ST18: variants seen among roughly 807,000 people sequenced by gnomAD.
ST18 encodes the protein ST18 C2H2C-type zinc finger transcription factor, also known as suppression of tumorigenicity 18 protein.
In ST18, 50 loss-of-function variants were observed where a neutral mutation model predicts 110.0. The ratio of observed to expected loss-of-function variants is 0.45; its 90% CI spans 0.36 to 0.58. The LOEUF (loss-of-function observed/expected upper bound fraction) is 0.58, where lower values mean the gene tolerates loss of function less well. Among genes scored for constraint, ST18 ranks in the 20% least tolerant of loss-of-function variants. The pLI is 0.00. For synonymous variants in ST18, 461 were observed against 452.4 expected (o/e 1.02, Z -0.24); for missense variants, 1,306 against 1,280.1 (o/e 1.02, Z -0.31).
chr8:52,331,570 T>A (rs1809422123), intron 2 of ST18, among the ~76,000 whole-genome samples: 1 of 152,182 alleles, frequency 6.6e-6, no homozygotes, highest in South Asian at 2.1e-4. Flanking sequence ...GACATTAACA[T>A]CTGCATATGT....
chr8:52,315,837 G>T (rs1034099034), intron 2 of ST18, among the ~76,000 whole-genome samples: 3 of 151,994 alleles, frequency 2.0e-5, no homozygotes, highest in African/African-American at 7.2e-5. Context: ...CCTATTATTT[G>T]CTCTTTCTTC....
chr8:52,167,351 A>T (rs1161641354), intron 10 of ST18, among the ~76,000 whole-genome samples: 1 of 152,236 alleles, frequency 6.6e-6, no homozygotes, highest in East Asian at 1.9e-4. Flanking sequence ...TTTAAACCAA[A>T]ACCATTTCTT....
chr8:52,233,138 T>C (rs769066), intron 2 of ST18, among the ~76,000 whole-genome samples: 35,932 of 152,148 alleles, frequency 0.24, 4,925 homozygotes, highest in African/African-American at 0.37. Context: ...GTAACTAACC[T>C]TCTTGGTACA....
chr8:52,259,939 A>G (rs966740134), intron 2 of ST18, among the ~76,000 whole-genome samples: 1 of 152,206 alleles, frequency 6.6e-6, no homozygotes, highest in African/African-American at 2.4e-5. Flanking sequence ...TTTTTATAAG[A>G]AATTTATACC....
chr8:52,254,728 C>G (rs2094470784), intron 2 of ST18, among the ~76,000 whole-genome samples: 1 of 152,070 alleles, frequency 6.6e-6, no homozygotes, highest in African/African-American at 2.4e-5. Flanking sequence ...ATTTTGCAGG[C>G]TCGAGTGTTC....
At chr8:52,148,599 C>A (rs912477975) in intron 16 of ST18, among the ~76,000 whole-genome samples, 4 of 151,688 alleles carry the variant, frequency 2.6e-5, no homozygotes, top group African/African-American at 9.7e-5. Flanking sequence ...TGCTGTATCT[C>A]CAGGTCCCAT....
chr8:52,184,414 C>T (rs975480913), intron 8 of ST18, among the ~76,000 whole-genome samples: 2 of 152,072 alleles, frequency 1.3e-5, no homozygotes, highest in Non-Finnish European at 2.9e-5. Flanking sequence ...GTATTTTTTA[C>T]CTGAAACTTT....
chr8:52,136,508 C>A, intron 19 of ST18, 82 bp downstream of exon 19: 2 of 1,369,138 alleles, frequency 1.5e-6, no homozygotes, highest in Admixed American at 2.0e-5. Context: ...TGTTGCTGAT[C>A]ACTTGGGCAA....
intron 2 of ST18, among the ~76,000 whole-genome samples, chr8:52,269,627 G>C (rs1010170057): frequency 6.6e-6 from 1 of 152,180 alleles, no homozygotes; most frequent in African/African-American, 2.4e-5. Flanking sequence ...TCTCCTCTGA[G>C]TGACTCTTCC....
intron 22 of ST18, among the ~76,000 whole-genome samples, chr8:52,130,137 A>G (rs1453575505): frequency 6.6e-6 from 1 of 151,014 alleles, no homozygotes; most frequent in African/African-American, 2.4e-5. Context: ...GAAAGAAAGA[A>G]AGAAAGAAAG....
At chr8:52,287,851 A>T (rs1407497983) in intron 2 of ST18, among the ~76,000 whole-genome samples, 1 of 152,178 alleles carries the variant, frequency 6.6e-6, no homozygotes, top group Admixed American at 6.5e-5. Context: ...GTCTTAATTT[A>T]CACTAATTTT....
chr8:52,146,653 C>T (rs995791145), intron 16 of ST18, among the ~76,000 whole-genome samples: 8 of 152,192 alleles, frequency 5.3e-5, no homozygotes, highest in Admixed American at 1.3e-4. Flanking sequence ...TTTTATTGCA[C>T]GTGGTATCCC....
At chr8:52,241,195 G>A (rs1034604041) in intron 2 of ST18, among the ~76,000 whole-genome samples, 1 of 152,162 alleles carries the variant, frequency 6.6e-6, no homozygotes, top group Non-Finnish European at 1.5e-5. Context: ...TAAGCTCCTT[G>A]TGTACTTATG....
At chr8:52,269,818 C>T (rs1284568955) in intron 2 of ST18, among the ~76,000 whole-genome samples, 3 of 152,176 alleles carry the variant, frequency 2.0e-5, no homozygotes, top group Non-Finnish European at 2.9e-5. Flanking sequence ...GTTTACTAGG[C>T]TGTATGTTGG....
intron 2 of ST18, among the ~76,000 whole-genome samples, chr8:52,291,413 T>C (rs1171070824): frequency 6.6e-6 from 1 of 152,228 alleles, no homozygotes; most frequent in African/African-American, 2.4e-5. Context: ...AAAATGGACC[T>C]ACCACCACCT....
chr8:52,406,713 T>C (rs1317220614), intron 2 of ST18: 1 of 152,194 alleles, frequency 6.6e-6, no homozygotes, highest in African/African-American at 2.4e-5. Flanking sequence ...TTACATGAAG[T>C]CTTTGGTGTT....
At chr8:52,318,856 G>T (rs1478415468) in intron 2 of ST18, among the ~76,000 whole-genome samples, 3 of 151,786 alleles carry the variant, frequency 2.0e-5, no homozygotes, top group South Asian at 2.1e-4. Context: ...ACTTATAAGT[G>T]GGAGCTAAAT....
chr8:52,195,193 G>A (rs904858516), intron 8 of ST18, among the ~76,000 whole-genome samples: 23 of 152,100 alleles, frequency 1.5e-4, no homozygotes, highest in Non-Finnish European at 8.8e-5. Flanking sequence ...AGCAGAAGTT[G>A]AATATAATAA....
intron 2 of ST18, among the ~76,000 whole-genome samples, chr8:52,350,877 C>T (rs894577463): frequency 2.6e-5 from 4 of 151,908 alleles, no homozygotes; most frequent in African/African-American, 4.8e-5. Context: ...TGTGCCACCA[C>T]GCCCAGCTAA....
Sources: allele counts gnomAD v4.1 joint callset (sites outside exome capture counted in the v4.1 genomes callset), GRCh38; gene constraint gnomAD v4.1.1; transcripts MANE v1.5; gene names NCBI Gene and HGNC (gene_info 2026-07-23, HGNC 2026-07-21).